The following DNAH17 variants were observed in gnomAD, a reference collection of about 807,000 sequenced individuals.
DNAH17 encodes axonemal beta dynein heavy chain 17.
Under a neutral mutation model 485.6 loss-of-function variants are expected in DNAH17, and 376 were observed. That is an observed-to-expected ratio of 0.77 (90% CI 0.71 to 0.84). The LOEUF is 0.84. Among genes scored for constraint, DNAH17 ranks in the 40% least tolerant of loss-of-function variants. DNAH17 has a pLI of 0.00. For synonymous variants in DNAH17, 3,031 were observed against 2,405.9 expected (o/e 1.26, Z -7.60); for missense variants, 6,370 against 5,839.3 (o/e 1.09, Z -2.96).
intron 13 of DNAH17, among the ~76,000 whole-genome samples, chr17:78,560,129 G>A (rs940099250): frequency 6.6e-6 from 1 of 151,756 alleles, no homozygotes; most frequent in Non-Finnish European, 1.5e-5. Context: ...CCTGGAGGTA[G>A]GCTCTAGGAG....
Position 78,468,779 on chromosome 17 carries a change from G to C in DNAH17, c.8616C>G (p.Ile2872Met), listed in dbSNP as rs190404219. Residue 2872 changes from isoleucine (I) to methionine (M), a missense_variant, in exon 55 of 81, where the codon ATC (isoleucine) becomes ATG (methionine). By Grantham distance (10) the Ile-to-Met change is conservative. Coordinates refer to ENST00000389840, the MANE Select transcript of DNAH17 (RefSeq NM_173628.4). ...QVAEEQFLVL[I>M]NDLLASGEIP... ...TCTCTCCTGAGGCCAGCAGGTCATTGATCAGCACCAGAAACTGCTCCTCGG... is the reference window on the plus strand; with the variant it reads ...TCTCTCCTGAGGCCAGCAGGTCATTCATCAGCACCAGAAACTGCTCCTCGG... The C allele has an allele frequency of 4.3e-6, 7 of 1,614,038 alleles. No individual in the cohort carries two copies. In the Admixed American group the frequency reaches 8.3e-5, roughly 19 times the overall value.
rs747872352 is a variant in DNAH17 at position 78,514,860 on chromosome 17, C to T, written c.4027G>A (p.Val1343Met). 20 of 1,613,930 alleles carry T rather than the reference C, an allele frequency of 1.2e-5. No individual in the cohort carries two copies. The highest frequency in any genetic ancestry group is 6.6e-5 in the South Asian group (6 of 91,092). Residue 1343 changes from valine to methionine, a missense_variant, in exon 26 of 81, where the codon GTG becomes ATG. Physicochemically the swap from Val to Met is conservative, Grantham distance 21 (BLOSUM62 1). Transcript: ENST00000389840. ...CTCACGGCACGCAGGGACGTGATCA[C>T]GTTTTTCACGGTGTTGTCGAGCCCC... ...FVGLDNTVKN[V>M]ITSLRAVSEL... is the part of the protein sequence containing the mutation.
intron 20 of DNAH17, among the ~76,000 whole-genome samples, chr17:78,531,961 T>C (rs976965061): frequency 6.6e-6 from 1 of 152,198 alleles, no homozygotes; most frequent in African/African-American, 2.4e-5. Flanking sequence ...CAACAAACAA[T>C]TCACCTGGGG....
chr17:78,486,431 G>A lies in DNAH17; in HGVS notation c.6894C>T (p.Tyr2298=), dbSNP rs1419611112. 4 of 1,613,622 alleles carry A rather than the reference G, an allele frequency of 2.5e-6. No individual in the cohort carries two copies. The highest frequency in any genetic ancestry group is 2.7e-5 in the African/African-American group (2 of 74,922). ...GCAACTTGTCCAGGCACGTGGGCAG[G>A]TACTTGTCAAAGAGGATCATCAGGT... The part of the protein sequence containing the change: ...KANLMILFDK[Y]LPTCLDKLRF... The change falls in exon 45 of 81, where the codon TAC becomes TAT. Residue 2298 remains tyrosine (Y), a synonymous_variant. Coordinates refer to ENST00000389840, the MANE Select transcript of DNAH17 (RefSeq NM_173628.4).
chr17:78,480,989 G>A (rs2089322439), intron 48 of DNAH17, among the ~76,000 whole-genome samples: 1 of 152,014 alleles, frequency 6.6e-6, no homozygotes, highest in Admixed American at 6.6e-5. Flanking sequence ...TTGAGACGGG[G>A]TTTCGCCGTG....
chr17:78,503,123 G>C, intron 31 of DNAH17, 112 bp from the exon 32 acceptor site: 4 of 1,291,240 alleles, frequency 3.1e-6, no homozygotes. Context: ...CCTCATCCCA[G>C]GGGCAGACAG....
chr17:78,463,347 T>A (rs554111098), intron 56 of DNAH17, among the ~76,000 whole-genome samples: 1 of 152,198 alleles, frequency 6.6e-6, no homozygotes, highest in East Asian at 1.9e-4. Flanking sequence ...TGCACACACA[T>A]GCATACACAC....
At chr17:78,444,852 A>G in intron 70 of DNAH17, 55 bp from the exon 71 acceptor site, 2 of 1,510,666 alleles carry the variant, frequency 1.3e-6, no homozygotes, top group Non-Finnish European at 1.8e-6. Context: ...GGGTCCCGAG[A>G]GCCTTCCTGT....
Position 78,458,568 on chromosome 17 carries a change from T to C in DNAH17, c.9974A>G (p.Asn3325Ser). The C allele has an allele frequency of 6.2e-7, 1 of 1,613,574 alleles. No homozygotes were observed. The highest frequency in any genetic ancestry group is 8.5e-7 in the Non-Finnish European group (1 of 1,179,540). Reference sequence around the variant, plus strand: ...GGTCTCGGGGAGGAGCTGATACCTGTTCGCCAGTAAGATCACCCTGTTCGT... The same window carrying C: ...GGTCTCGGGGAGGAGCTGATACCTGCTCGCCAGTAAGATCACCCTGTTCGT... ...DATNRVILLA[N>S]RLVGGLASEN... The change falls in exon 62 of 81, where the codon AAC becomes AGC. Residue 3325 changes from asparagine (N) to serine (S), a missense_variant. By Grantham distance (46) the Asn-to-Ser change is conservative. Transcript: ENST00000389840.
rs772905736 is a variant in DNAH17 at position 78,529,627 on chromosome 17, C to G, written c.3352G>C (p.Asp1118His). The G allele has an allele frequency of 1.9e-6, 3 of 1,613,982 alleles. No homozygotes were observed. Among genetic ancestry groups the G allele is most frequent in the Non-Finnish European group, 2.5e-6 (3 of 1,179,878 alleles). The stretch of plus-strand genomic sequence containing the variant: ...ATCACCTCCACAAGCCCATCATAGT[C>G]CCCCTCCTTGAGGGGCTTGGTCAAG... ...MGLTKPLKEGDYDGLVEVMGH... is the reference protein window; with the variant it reads ...MGLTKPLKEGHYDGLVEVMGH... The change falls in exon 22 of 81, where the codon GAC becomes CAC. Residue 1118 changes from aspartate to histidine, a missense_variant. Coordinates refer to ENST00000389840, the MANE Select transcript of DNAH17 (RefSeq NM_173628.4).
chr17:78,570,878 AGAAAAAAG>A (rs2092345228), intron 6 of DNAH17, 62 bp downstream of exon 6: 2 of 735,094 alleles, frequency 2.7e-6, no homozygotes, highest in East Asian at 3.5e-5. Context: ...AAAAAAAAAA[AGAAAAAAG>A]AAAAGAAAAG....
Position 78,558,267 on chromosome 17 carries a change from C to G in DNAH17, c.2032-13G>C. Reference sequence around the variant, plus strand: ...GAACTGCCACCAACTAAATGACAAACGAAGATCAAAGAACATGTCAGCAGG... The same window carrying G: ...GAACTGCCACCAACTAAATGACAAAGGAAGATCAAAGAACATGTCAGCAGG... On this transcript the variant is annotated splice_polypyrimidine_tract_variant and intron_variant, in intron 13 of 80. Coordinates refer to ENST00000389840, the MANE Select transcript of DNAH17 (RefSeq NM_173628.4). 3.7e-6 allele frequency: 6 copies of G among 1,612,452 alleles called. No individual in the cohort carries two copies. The highest frequency in any genetic ancestry group is 4.2e-6 in the Non-Finnish European group (5 of 1,179,212).
intron 70 of DNAH17, 42 bp downstream of exon 70, chr17:78,445,516 G>T: frequency 6.5e-7 from 1 of 1,549,328 alleles, no homozygotes; most frequent in South Asian, 1.2e-5. Flanking sequence ...GGGGCTCCAC[G>T]GCGGGGAGAA....
At chr17:78,571,191 A>G (rs2143731012) in intron 5 of DNAH17, 88 bp downstream of exon 5, 2 of 1,349,726 alleles carry the variant, frequency 1.5e-6, no homozygotes, top group Non-Finnish European at 2.1e-6. Context: ...GGAGGCCAAC[A>G]TCCTAGGGTT....
intron 30 of DNAH17, 86 bp downstream of exon 30, chr17:78,506,634 A>AC (rs1275997387): frequency 1.3e-6 from 2 of 1,585,956 alleles, no homozygotes; most frequent in South Asian, 1.1e-5. Context: ...CACTTACCCC[A>AC]CCCTAGGGCG....
intron 57 of DNAH17, 117 bp downstream of exon 57, chr17:78,462,727 A>T: frequency 1.1e-6 from 1 of 945,944 alleles, no homozygotes; most frequent in African/African-American, 1.6e-5. Context: ...TGCTCATCTT[A>T]CTTTAGGCAG....
intron 79 of DNAH17, among the ~76,000 whole-genome samples, chr17:78,426,129 T>A (rs74365686): frequency 0.058 from 8,767 of 152,232 alleles, 317 homozygotes; most frequent in Non-Finnish European, 0.091. Flanking sequence ...GCTTCCTGTT[T>A]GTGGATAATT....
chr17:78,439,135 G>A lies in DNAH17; in HGVS notation c.11760C>T (p.Asn3920=), dbSNP rs777605812. ...LGQGQEVVAE[N]ALDVAAEKGH... ...CTTTCTCTGCAGCCACGTCCAGGGC[G>A]TTCTCAGCCACCACCTCTTGTCCCT... is the stretch of plus-strand genomic sequence containing the variant. The change falls in exon 73 of 81, where the codon AAC becomes AAT. Residue 3920 remains asparagine (N), a synonymous_variant. Coordinates refer to ENST00000389840, the MANE Select transcript of DNAH17 (RefSeq NM_173628.4). 4.3e-6 allele frequency: 7 copies of A among 1,613,606 alleles called. No homozygotes were observed. Among genetic ancestry groups the A allele is most frequent in the East Asian group, 2.2e-5 (1 of 44,878 alleles).
intron 26 of DNAH17, 112 bp downstream of exon 26, chr17:78,514,662 C>G (rs943054149): frequency 1.4e-6 from 2 of 1,415,780 alleles, no homozygotes; most frequent in African/African-American, 2.9e-5. Flanking sequence ...CCCACATTGG[C>G]TTTACCAGCA....
Sources: gnomAD v4.1 joint callset for allele counts (sites outside exome capture counted in the v4.1 genomes callset) on GRCh38, gnomAD v4.1.1 for gene constraint, MANE v1.5 for transcripts, NCBI Gene and HGNC (gene_info 2026-07-23, HGNC 2026-07-21) for gene names.